SYAP1: variants seen among roughly 807,000 people sequenced by gnomAD.
SYAP1 encodes synapse-associated protein 1.
A neutral mutation model predicts 29.6 loss-of-function variants in SYAP1; 3 were observed. The observed-to-expected ratio is 0.10, with a 90% CI of 0.05 to 0.26. The LOEUF is 0.26. Among genes scored for constraint, SYAP1 ranks in the 10% least tolerant of loss-of-function variants. The probability of loss-of-function intolerance (pLI) is 1.00; values close to 1 mark genes in which losing one functional copy is unlikely to be tolerated. For missense variants in SYAP1, 217 were observed against 264.1 expected (o/e 0.82, Z 1.24); for synonymous variants, 102 against 102.7 (o/e 0.99, Z 0.04).
intron 1 of SYAP1, among the ~76,000 whole-genome samples, chrX:16,727,067 T>C (rs1456001955): frequency 9.0e-6 from 1 of 110,783 alleles, no homozygotes; most frequent in Admixed American, 9.7e-5. Flanking sequence ...AAATAAAAAC[T>C]GAAAAACATC....
rs191733619 is a variant in SYAP1, at chrX:16,754,842, G to A, written c.576-103G>A. 19 of 795,582 alleles carry A rather than the reference G, an allele frequency of 2.4e-5. No individual in the cohort carries two copies. In the African/African-American group the frequency reaches 3.2e-4, roughly 14 times the overall value. 65.6% of individuals were successfully genotyped at this position (795,582 alleles called of 1,213,427 possible). A position where few individuals can be genotyped will look rare whatever the true frequency, so the allele number is the denominator to read the frequency against. On this transcript the variant is annotated intron_variant, in intron 5 of 8. Coordinates refer to ENST00000380155, the MANE Select transcript of SYAP1 (RefSeq NM_032796.4). Reference sequence around the variant, plus strand: ...CCTTTACAACAAATAACCCCTGCGTGCACTTGTCTGTGTGCGTTCTCAAAT... The same window carrying A: ...CCTTTACAACAAATAACCCCTGCGTACACTTGTCTGTGTGCGTTCTCAAAT...
At position 16,761,210 on chromosome X, in the gene SYAP1, CAAAAAAAAA is replaced by C. The variant is rs34332618; in HGVS notation, c.*863_*871del. The stretch of plus-strand genomic sequence containing the variant: ...TGGGTGATAGAGTGAGATTCAGTCT[CAAAAAAAAA>C]AAAAAAAAAAAGCTGTGCGAAAATA... On this transcript the variant is annotated 3_prime_UTR_variant, in exon 9 of 9. Transcript: ENST00000380155. The C allele has an allele frequency of 3.3e-4, 16 of 48,933 alleles. No individual in the cohort carries two copies. The highest frequency in any genetic ancestry group is 6.0e-4 in the Non-Finnish European group (16 of 26,548). The allele number at this position is 48,933 out of a possible 1,213,427, so 4.0% of individuals were successfully genotyped here.
chrX:16,744,230 T>C (rs1484133188), intron 5 of SYAP1, among the ~76,000 whole-genome samples: 1 of 112,440 alleles, frequency 8.9e-6, no homozygotes, highest in African/African-American at 3.2e-5. Context: ...AGGCTTTTCC[T>C]CCAACAGCTC....
chrX:16,753,223 G>A (rs1926773610), intron 5 of SYAP1, among the ~76,000 whole-genome samples: 1 of 97,049 alleles, frequency 1.0e-5, no homozygotes, highest in Non-Finnish European at 2.0e-5. Flanking sequence ...CAACCTGGGT[G>A]ACAAAAGTGA....
chrX:16,721,812 G>C (rs1925968962), intron 1 of SYAP1, among the ~76,000 whole-genome samples: 1 of 111,292 alleles, frequency 9.0e-6, no homozygotes, highest in Non-Finnish European at 1.9e-5. Context: ...TGGGATTACA[G>C]GCGTGAGCCA....
At chrX:16,743,667 G>A (rs767896473) in intron 4 of SYAP1, 34 bp from the exon 5 acceptor site, 2 of 1,195,489 alleles carry the variant, frequency 1.7e-6, no homozygotes, top group Non-Finnish European at 2.3e-6. Flanking sequence ...GCATTTTGTG[G>A]AATACCCTGT....
At chrX:16,740,342 CTTT>C (rs57231597) in intron 3 of SYAP1, among the ~76,000 whole-genome samples, 23 of 90,403 alleles carry the variant, frequency 2.5e-4, no homozygotes, top group African/African-American at 4.0e-4. Context: ...TTGTGCATTT[CTTT>C]TTTTTTTTTT....
Position 16,742,143 on chromosome X carries a change from G to GTTTTTTTTTTTTT in SYAP1, c.435+368_435+380dup, listed in dbSNP as rs144175479. On this transcript the variant is annotated intron_variant, in intron 4 of 8. Coordinates refer to ENST00000380155, the MANE Select transcript of SYAP1 (RefSeq NM_032796.4). ...ACCATGCCCAGCTAATTTTTGTGTG[G>GTTTTTTTTTTTTT]TTTTTTTTTTTTTTTTTTTTTTTTT... Among the ~76,000 whole-genome samples the GTTTTTTTTTTTTT allele has an allele frequency of 2.3e-3, 97 of 41,863 alleles. 10 individuals are homozygous for GTTTTTTTTTTTTT. Among genetic ancestry groups the GTTTTTTTTTTTTT allele is most frequent in the African/African-American group, 0.013 (96 of 7,531 alleles). 36.4% of individuals were successfully genotyped at this position (41,863 alleles called of 115,157 possible).
intron 5 of SYAP1, among the ~76,000 whole-genome samples, chrX:16,750,453 A>G (rs5980329): frequency 0.035 from 3,950 of 111,589 alleles, 188 homozygotes; most frequent in African/African-American, 0.12. Flanking sequence ...GTGACCATCT[A>G]TGATGGCAGA....
chrX:16,740,251 T>C (rs944200179), intron 3 of SYAP1, among the ~76,000 whole-genome samples: 1 of 110,864 alleles, frequency 9.0e-6, no homozygotes, highest in Non-Finnish European at 1.9e-5. Context: ...AAACATGGGC[T>C]AGATCTTGGC....
chrX:16,760,113 T>C lies in SYAP1; in HGVS notation c.932-119T>C, dbSNP rs779270005. On this transcript the variant is annotated intron_variant, in intron 8 of 8. Transcript: ENST00000380155. The stretch of plus-strand genomic sequence containing the variant: ...TCTGAGCACACATAGTAGTGAAGCC[T>C]GAGATACTAAAAATTACAGCAGCTA... 3.5e-4 allele frequency: 236 copies of C among 681,331 alleles called. No homozygotes were observed. The African/African-American group carries it at 4.8e-3, about 14-fold the overall frequency. The allele number at this position is 681,331 out of a possible 1,213,427, so 56.1% of individuals were successfully genotyped here. A position where few individuals can be genotyped will look rare whatever the true frequency, so the allele number is the denominator to read the frequency against.
chrX:16,733,868 A>G (rs1431591603), intron 1 of SYAP1, among the ~76,000 whole-genome samples: 3 of 109,552 alleles, frequency 2.7e-5, no homozygotes, highest in Admixed American at 2.0e-4. Flanking sequence ...GGGTTTCACC[A>G]TGTTGGTCAG....
intron 5 of SYAP1, among the ~76,000 whole-genome samples, chrX:16,753,073 C>T: frequency 9.1e-6 from 1 of 109,316 alleles, no homozygotes; most frequent in Middle Eastern, 4.7e-3. Flanking sequence ...GAAACCTCAT[C>T]TCTACAAAAA....
intron 1 of SYAP1, among the ~76,000 whole-genome samples, chrX:16,730,876 T>G (rs1416475336): frequency 8.9e-6 from 1 of 112,305 alleles, no homozygotes; most frequent in African/African-American, 3.2e-5. Context: ...TTCACATGTC[T>G]CCAGGCCTTT....
intron 5 of SYAP1, among the ~76,000 whole-genome samples, chrX:16,749,481 T>C (rs1452258659): frequency 8.9e-6 from 1 of 111,999 alleles, no homozygotes; most frequent in Non-Finnish European, 1.9e-5. Context: ...ACCTCTCATA[T>C]CAAGAGGGAG....
At chrX:16,751,237 G>A (rs1320811987) in intron 5 of SYAP1, among the ~76,000 whole-genome samples, 6 of 108,140 alleles carry the variant, frequency 5.5e-5, no homozygotes, top group Non-Finnish European at 1.2e-4. Flanking sequence ...CAGATCACGA[G>A]GTCAGGAGAT....
At chrX:16,746,117 A>G (rs1340393689) in intron 5 of SYAP1, among the ~76,000 whole-genome samples, 1 of 103,148 alleles carries the variant, frequency 9.7e-6, no homozygotes, top group Non-Finnish European at 2.0e-5. Flanking sequence ...TTATTAACAT[A>G]TTAGTGGTAA....
In SYAP1 at chrX:16,763,898, G is replaced by A. The variant is rs1475933582; in HGVS notation, c.*3539G>A. The A allele has an allele frequency of 1.3e-5, 1 of 78,705 alleles. No homozygotes were observed. Among genetic ancestry groups the A allele is most frequent in the African/African-American group, 5.4e-5 (1 of 18,465 alleles). 6.5% of individuals were successfully genotyped at this position (78,705 alleles called of 1,213,427 possible). Reference sequence around the variant, plus strand: ...TTTTTTTTTTTTTTTTTTTGAGACAGAGTCTCACACTGTTGCCTGGGCTGG... The same window carrying A: ...TTTTTTTTTTTTTTTTTTTGAGACAAAGTCTCACACTGTTGCCTGGGCTGG... On this transcript the variant is annotated 3_prime_UTR_variant, in exon 9 of 9. Coordinates refer to ENST00000380155, the MANE Select transcript of SYAP1 (RefSeq NM_032796.4).
At chrX:16,735,008 A>C (rs951506644) in intron 1 of SYAP1, among the ~76,000 whole-genome samples, 8 of 106,263 alleles carry the variant, frequency 7.5e-5, no homozygotes, top group Admixed American at 2.1e-4. Context: ...AAAAAAAAAA[A>C]AAAAAAAAAA....
Sources: allele counts gnomAD v4.1 joint callset (sites outside exome capture counted in the v4.1 genomes callset), GRCh38; gene constraint gnomAD v4.1.1; transcripts MANE v1.5; gene names NCBI Gene and HGNC (gene_info 2026-07-23, HGNC 2026-07-21).